ZNF385D: variants seen among roughly 807,000 people sequenced by gnomAD.
ZNF385D encodes the protein zinc finger protein 659.
In ZNF385D, 15 loss-of-function variants were observed where a neutral mutation model predicts 35.8. The ratio of observed to expected loss-of-function variants is 0.42; its 90% CI spans 0.28 to 0.64. The LOEUF is 0.64. Among genes scored for constraint, ZNF385D ranks in the 30% least tolerant of loss-of-function variants. The probability of loss-of-function intolerance (pLI) is 0.23; values close to 1 mark genes in which losing one functional copy is unlikely to be tolerated. For synonymous variants in ZNF385D, 212 were observed against 186.8 expected, an observed-to-expected ratio of 1.13 and a Z score of -1.10; for missense variants, 474 against 494.6, an observed-to-expected ratio of 0.96 and a Z score of 0.39.
At chr3:22,199,673 A>C (rs982105492) in intron 2 of ZNF385D, among the ~76,000 whole-genome samples, 1 of 152,142 alleles carries the variant, frequency 6.6e-6, no homozygotes, top group Non-Finnish European at 1.5e-5. Flanking sequence ...GTTCAGATGG[A>C]AACACTGTAG....
intron 3 of ZNF385D, among the ~76,000 whole-genome samples, chr3:22,069,793 T>C (rs1191506016): frequency 1.3e-5 from 2 of 152,156 alleles, no homozygotes; most frequent in African/African-American, 2.4e-5. Context: ...TTGCTTTTCT[T>C]CTTCTGTCCC....
At chr3:21,528,492 T>G (rs1212205921) in intron 3 of ZNF385D, among the ~76,000 whole-genome samples, 1 of 151,940 alleles carries the variant, frequency 6.6e-6, no homozygotes, top group South Asian at 2.1e-4. Flanking sequence ...CTTTCCTTTC[T>G]GCCTGCTTGA....
At chr3:21,924,052 G>C (rs1700605918) in intron 3 of ZNF385D, among the ~76,000 whole-genome samples, 1 of 152,104 alleles carries the variant, frequency 6.6e-6, no homozygotes, top group Non-Finnish European at 1.5e-5. Flanking sequence ...CCTCTTATTT[G>C]TGGTAAAAGC....
intron 3 of ZNF385D, among the ~76,000 whole-genome samples, chr3:21,908,017 C>T (rs373782568): frequency 2.8e-4 from 42 of 151,984 alleles, no homozygotes; most frequent in African/African-American, 8.9e-4. Context: ...CTGAAGATAC[C>T]ATATTCAACA....
chr3:21,534,952 A>T (rs7619515), intron 3 of ZNF385D, among the ~76,000 whole-genome samples: 2,142 of 152,262 alleles, frequency 0.014, 41 homozygotes, highest in African/African-American at 0.048. Context: ...TAAAACTGAG[A>T]TCACAAGAAA....
intron 3 of ZNF385D, among the ~76,000 whole-genome samples, chr3:22,069,113 T>C (rs1303846725): frequency 1.3e-5 from 2 of 152,174 alleles, no homozygotes; most frequent in South Asian, 2.1e-4. Flanking sequence ...CAGGTGTTTG[T>C]TGTGTTATAA....
intron 2 of ZNF385D, among the ~76,000 whole-genome samples, chr3:22,206,014 C>T (rs1466672464): frequency 6.6e-6 from 1 of 151,720 alleles, no homozygotes; most frequent in Non-Finnish European, 1.5e-5. Flanking sequence ...ATACAAAAAT[C>T]AAATCAAAAT....
intron 2 of ZNF385D, among the ~76,000 whole-genome samples, chr3:22,210,388 T>A (rs1192009953): frequency 1.3e-5 from 2 of 151,886 alleles, no homozygotes; most frequent in Non-Finnish European, 2.9e-5. Context: ...ACAGGTGAGT[T>A]GAGAATTAGG....
chr3:22,106,788 G>A (rs963196107), intron 3 of ZNF385D, among the ~76,000 whole-genome samples: 7 of 152,082 alleles, frequency 4.6e-5, no homozygotes, highest in South Asian at 4.1e-4. Context: ...TACCTAATGC[G>A]GAGAAGCCTG....
intron 1 of ZNF385D, among the ~76,000 whole-genome samples, chr3:21,722,675 C>T (rs946963013): frequency 2.6e-5 from 4 of 152,192 alleles, no homozygotes; most frequent in African/African-American, 9.7e-5. Flanking sequence ...TGAATTCTTC[C>T]CCCAATATGA....
intron 3 of ZNF385D, among the ~76,000 whole-genome samples, chr3:22,038,527 GTCA>G (rs200793413): frequency 0.01 from 1,564 of 152,112 alleles, 36 homozygotes; most frequent in African/African-American, 0.036. Flanking sequence ...TACTGTTGTT[GTCA>G]TCATTATCAT....
chr3:22,111,997 C>A (rs1362478767), intron 3 of ZNF385D, among the ~76,000 whole-genome samples: 1 of 152,096 alleles, frequency 6.6e-6, no homozygotes, highest in Non-Finnish European at 1.5e-5. Flanking sequence ...TGCTAATATG[C>A]ATAAATTAAT....
chr3:21,424,185 A>C, intron 6 of ZNF385D, 121 bp from the exon 7 acceptor site: 1 of 783,220 alleles, frequency 1.3e-6, no homozygotes, highest in South Asian at 2.2e-5. Context: ...AAAGACAAAA[A>C]TAAAAGATCA....
intron 3 of ZNF385D, among the ~76,000 whole-genome samples, chr3:21,830,859 G>C (rs980836061): frequency 1.3e-5 from 2 of 152,156 alleles, no homozygotes; most frequent in African/African-American, 4.8e-5. Context: ...AGTGTATCCA[G>C]AGGAAAACAT....
intron 3 of ZNF385D, among the ~76,000 whole-genome samples, chr3:21,842,658 C>T (rs2673520): frequency 0.84 from 128,391 of 151,996 alleles, 54,740 homozygotes; most frequent in African/African-American, 0.96. Flanking sequence ...TTGTAAAACT[C>T]TGTAAGTGGA....
At chr3:21,458,812 G>GGAA (rs1350009938) in intron 4 of ZNF385D, among the ~76,000 whole-genome samples, 2 of 142,966 alleles carry the variant, frequency 1.4e-5, no homozygotes, top group African/African-American at 5.1e-5. Context: ...GATAATGCGG[G>GGAA]GTGGGGGGGC....
At chr3:21,470,988 G>A (rs1018523686) in intron 4 of ZNF385D, among the ~76,000 whole-genome samples, 1 of 152,040 alleles carries the variant, frequency 6.6e-6, no homozygotes, top group Non-Finnish European at 1.5e-5. Context: ...AATACTTAAA[G>A]GGAATATAGA....
At position 22,101,541 on chromosome 3, in the gene ZNF385D, C is replaced by T. The variant is rs116867353; in HGVS notation, c.325+67276G>A. Among the ~76,000 whole-genome samples, 21 of 152,176 alleles carry T rather than the reference C, an allele frequency of 1.4e-4. No homozygotes were observed. In the East Asian group the frequency reaches 3.3e-3, roughly 24 times the overall value. ...ATGATTGCAAAATAGCATATTATTA[C>T]ACCCACACTGAACCATTTCTCTATA... On this transcript the variant is annotated intron_variant, in intron 3 of 5. Transcript: ENST00000494108.
chr3:21,814,526 G>T (rs186047879), intron 3 of ZNF385D, among the ~76,000 whole-genome samples: 2 of 151,942 alleles, frequency 1.3e-5, no homozygotes, highest in South Asian at 2.1e-4. Context: ...AAGCAGGGGT[G>T]GCAATCCTAG....
Sources: allele counts gnomAD v4.1 joint callset (sites outside exome capture counted in the v4.1 genomes callset), GRCh38; gene constraint gnomAD v4.1.1; transcripts MANE v1.5; gene names NCBI Gene and HGNC (gene_info 2026-07-23, HGNC 2026-07-21).